CLASP1: variants seen among roughly 807,000 people sequenced by gnomAD.
CLASP1 encodes the protein CLIP-associating protein 1.
A neutral mutation model predicts 192.3 loss-of-function variants in CLASP1; 38 were observed. The observed-to-expected ratio is 0.20, with a 90% CI of 0.15 to 0.26. The LOEUF (loss-of-function observed/expected upper bound fraction) is 0.26. CLASP1 is among the 10% of genes least tolerant of loss of function. CLASP1 has a pLI of 1.00. For missense variants in CLASP1, 1,433 were observed against 1,932.5 expected (o/e 0.74, Z 4.85); for synonymous variants, 691 against 712.8 (o/e 0.97, Z 0.49).
intron 21 of CLASP1, among the ~76,000 whole-genome samples, chr2:121,425,778 C>A (rs1207143177): frequency 6.6e-6 from 1 of 152,038 alleles, no homozygotes; most frequent in African/African-American, 2.4e-5. Flanking sequence ...ATAAAAATCA[C>A]AAAATAAGAT....
intron 1 of CLASP1, among the ~76,000 whole-genome samples, chr2:121,634,966 A>G (rs993611611): frequency 1.3e-5 from 2 of 152,224 alleles, no homozygotes; most frequent in Non-Finnish European, 2.9e-5. Context: ...AGCAAAAGAT[A>G]GTTTGCATCC....
intron 23 of CLASP1, among the ~76,000 whole-genome samples, chr2:121,412,881 T>C (rs780382992): frequency 9.2e-5 from 14 of 152,342 alleles, no homozygotes; most frequent in Non-Finnish European, 2.1e-4. Context: ...GATACTATTA[T>C]GAAGTCTGAT....
intron 14 of CLASP1, among the ~76,000 whole-genome samples, chr2:121,456,794 G>A (rs540775243): frequency 3.3e-5 from 5 of 152,224 alleles, no homozygotes; most frequent in African/African-American, 9.6e-5. Flanking sequence ...TAAATCTTAA[G>A]AGTGAAGGAC....
At chr2:121,598,676 CCACTATCTATTT>C (rs1257126571) in intron 2 of CLASP1, among the ~76,000 whole-genome samples, 1 of 152,046 alleles carries the variant, frequency 6.6e-6, no homozygotes, top group Admixed American at 6.5e-5. Flanking sequence ...AATTAGGATA[CCACTATCTATTT>C]ACCCTGCAGG....
At chr2:121,406,381 A>G (rs1241679214) in intron 25 of CLASP1, among the ~76,000 whole-genome samples, 1 of 152,244 alleles carries the variant, frequency 6.6e-6, no homozygotes, top group Non-Finnish European at 1.5e-5. Flanking sequence ...TATAAGCTAC[A>G]TATATGCACA....
intron 2 of CLASP1, among the ~76,000 whole-genome samples, chr2:121,569,482 ATT>A: frequency 6.6e-6 from 1 of 152,330 alleles, no homozygotes; most frequent in Non-Finnish European, 1.5e-5. Context: ...AAATGTTTTA[ATT>A]TTATTTTAAG....
intron 2 of CLASP1, among the ~76,000 whole-genome samples, chr2:121,595,818 T>A (rs2063068979): frequency 1.3e-5 from 2 of 152,234 alleles, no homozygotes; most frequent in Non-Finnish European, 2.9e-5. Context: ...TTAACTTTCC[T>A]CAGATTTTAT....
At chr2:121,368,002 A>G (rs1573891177) in intron 34 of CLASP1, among the ~76,000 whole-genome samples, 171 bp from the exon 36 acceptor site, 2 of 152,262 alleles carry the variant, frequency 1.3e-5, no homozygotes, top group Non-Finnish European at 2.9e-5. Flanking sequence ...GTAAACTACC[A>G]TAAAAGGAAC....
At chr2:121,593,139 G>A (rs989299989) in intron 2 of CLASP1, among the ~76,000 whole-genome samples, 4 of 152,278 alleles carry the variant, frequency 2.6e-5, no homozygotes, top group African/African-American at 7.2e-5. Context: ...AAGAGATATC[G>A]TGTGCCTCCC....
chr2:121,482,621 G>A (rs532117368), intron 8 of CLASP1, among the ~76,000 whole-genome samples: 30 of 152,230 alleles, frequency 2.0e-4, no homozygotes, highest in African/African-American at 6.0e-4. Context: ...CACCCTAGGG[G>A]GTGAATTAGG....
chr2:121,619,690 G>T (rs2067009161), intron 1 of CLASP1, among the ~76,000 whole-genome samples: 1 of 152,106 alleles, frequency 6.6e-6, no homozygotes. Flanking sequence ...AATCCTCTCA[G>T]ATATTTTAAA....
At chr2:121,459,103 G>A in intron 12 of CLASP1, 128 bp from the exon 13 acceptor site, 1 of 602,416 alleles carries the variant, frequency 1.7e-6, no homozygotes, top group South Asian at 5.1e-5. Context: ...GATTTCCGAT[G>A]TGCATGTTAA....
At chr2:121,362,109 G>A (rs1192768779) in intron 37 of CLASP1, among the ~76,000 whole-genome samples, 3 of 152,198 alleles carry the variant, frequency 2.0e-5, no homozygotes, top group African/African-American at 4.8e-5. Flanking sequence ...CTTCATCCAC[G>A]AGTGTGCTCA....
intron 8 of CLASP1, among the ~76,000 whole-genome samples, chr2:121,478,794 CACACACCA>C (rs2092117436): frequency 2.0e-5 from 1 of 50,194 alleles, no homozygotes; most frequent in African/African-American, 7.7e-5. Context: ...CCACACACAC[CACACACCA>C]CACACACACC....
At chr2:121,578,266 A>C (rs2105515009) in intron 2 of CLASP1, among the ~76,000 whole-genome samples, 1 of 151,930 alleles carries the variant, frequency 6.6e-6, no homozygotes, top group Non-Finnish European at 1.5e-5. Context: ...AGAAACAAAG[A>C]AACAAACAAA....
At chr2:121,481,488 G>A (rs568609168) in intron 8 of CLASP1, among the ~76,000 whole-genome samples, 5 of 152,218 alleles carry the variant, frequency 3.3e-5, no homozygotes, top group African/African-American at 1.2e-4. Context: ...AATTTTCTCA[G>A]GGTCACAGGA....
intron 33 of CLASP1, among the ~76,000 whole-genome samples, chr2:121,380,535 A>T (rs191312453): frequency 6.6e-6 from 1 of 152,260 alleles, no homozygotes; most frequent in African/African-American, 2.4e-5. Context: ...CTTGCCCGCT[A>T]AAGGATCCAT....
At position 121,397,141 on chromosome 2, in the gene CLASP1, T is replaced by C. The variant is rs750964963; in HGVS notation, c.3122A>G (p.Lys1041Arg). The C allele has an allele frequency of 1.2e-6, 2 of 1,613,582 alleles. No individual in the cohort carries two copies. Among genetic ancestry groups the C allele is most frequent in the Non-Finnish European group, 8.5e-7 (1 of 1,179,674 alleles). The change falls in exon 30 of 40, where the codon AAG becomes AGG. Residue 1041 changes from lysine (K) to arginine (R), a missense_variant and splice_region_variant. By Grantham distance (26) the Lys-to-Arg change is conservative (BLOSUM62 2). Around this residue, in one of 8 missense-constraint regions of CLASP1, gnomAD observed 90 missense variants for 159.3 expected, o/e 0.56. Coordinates refer to ENST00000263710, the Ensembl canonical transcript of CLASP1. ...ACACGTCGGTTCTCTTGGACATACC[T>C]TTCTCACGTCTGAACTCTTTGGTTC...
Position 121,531,087 on chromosome 2 carries a change from T to C in CLASP1, c.196-762A>G, listed in dbSNP as rs544147694. 66 of 669,620 alleles carry C rather than the reference T, an allele frequency of 9.9e-5. No individual in the cohort carries two copies. In the East Asian group the frequency reaches 9.9e-4, roughly 10 times the overall value. 41.5% of individuals were successfully genotyped at this position (669,620 alleles called of 1,614,324 possible). ...AACTAGTACTTTGTGGTTAAACCAG[T>C]AGAGGGTGCACAAGACGCGTGGTTT... On this transcript the variant is annotated intron_variant, in intron 2 of 39. Coordinates refer to ENST00000263710, the Ensembl canonical transcript of CLASP1.
Sources: allele counts gnomAD v4.1 joint callset (sites outside exome capture counted in the v4.1 genomes callset), GRCh38; gene constraint gnomAD v4.1.1; regional missense constraint gnomAD v4.1.1; transcripts MANE v1.5; gene names NCBI Gene and HGNC (gene_info 2026-07-23, HGNC 2026-07-21).